The following DOCK4 variants were observed in gnomAD, a reference collection of about 807,000 sequenced individuals.
The protein encoded by DOCK4 is dedicator of cytokinesis 4, also known as dedicator of cytokinesis protein 4.
A neutral mutation model predicts 268.1 loss-of-function variants in DOCK4; 97 were observed. The observed-to-expected ratio is 0.36, with a 90% confidence interval of 0.31 to 0.43. The LOEUF is 0.43. DOCK4 is among the 20% of genes least tolerant of loss of function. The probability of loss-of-function intolerance (pLI) is 1.00; values close to 1 mark genes in which losing one functional copy is unlikely to be tolerated. For missense variants in DOCK4, 2,145 were observed against 2,455.7 expected, an observed-to-expected ratio of 0.87 and a Z score of 2.67; for synonymous variants, 954 against 887.2, an observed-to-expected ratio of 1.08 and a Z score of -1.34.
intron 12 of DOCK4, among the ~76,000 whole-genome samples, chr7:111,930,556 G>A (rs754955848): frequency 1.2e-4 from 19 of 152,178 alleles, no homozygotes; most frequent in Non-Finnish European, 2.8e-4. Flanking sequence ...TTTTTAGAGT[G>A]AACTCAATTC....
chr7:111,816,942 G>C (rs1034515866), intron 27 of DOCK4, among the ~76,000 whole-genome samples: 1 of 152,188 alleles, frequency 6.6e-6, no homozygotes, highest in Non-Finnish European at 1.5e-5. Flanking sequence ...CAGTCAATGG[G>C]GCACGCAGTG....
intron 22 of DOCK4, among the ~76,000 whole-genome samples, chr7:111,867,768 T>C (rs560287467): frequency 6.6e-6 from 1 of 152,194 alleles, no homozygotes; most frequent in South Asian, 2.1e-4. Context: ...AGCCTCTCCA[T>C]GCAGAGAGAG....
intron 20 of DOCK4, 65 bp from the exon 21 acceptor site, chr7:111,869,720 A>G: frequency 6.6e-6 from 9 of 1,357,372 alleles, no homozygotes; most frequent in Non-Finnish European, 9.4e-6. Context: ...ATGCCAACAA[A>G]TCCAACTCTT....
At chr7:112,115,347 G>C (rs184788588) in intron 1 of DOCK4, among the ~76,000 whole-genome samples, 1 of 152,324 alleles carries the variant, frequency 6.6e-6, no homozygotes, top group East Asian at 1.9e-4. Flanking sequence ...GACGCAGTGA[G>C]TCCATCTGAT....
At chr7:111,769,209 A>G (rs1273936874) in intron 37 of DOCK4, among the ~76,000 whole-genome samples, 1 of 152,196 alleles carries the variant, frequency 6.6e-6, no homozygotes, top group Non-Finnish European at 1.5e-5. Context: ...AAATCTCTAA[A>G]TCGGTGTTTA....
intron 1 of DOCK4, among the ~76,000 whole-genome samples, chr7:112,094,104 T>A: frequency 6.6e-6 from 1 of 152,036 alleles, no homozygotes; most frequent in South Asian, 2.1e-4. Context: ...CCAAAGCACA[T>A]CATGCTATCT....
At chr7:112,204,802 T>C (rs1274267919) in intron 1 of DOCK4, among the ~76,000 whole-genome samples, 1 of 152,094 alleles carries the variant, frequency 6.6e-6, no homozygotes, top group African/African-American at 2.4e-5. Context: ...CCAGATGTTT[T>C]AAATTGCAGG....
intron 7 of DOCK4, among the ~76,000 whole-genome samples, chr7:111,981,408 G>A (rs1319587600): frequency 1.3e-5 from 2 of 152,176 alleles, no homozygotes; most frequent in Non-Finnish European, 2.9e-5. Flanking sequence ...ACTGCCTTAT[G>A]GAAGCTGGGC....
At position 111,806,407 on chromosome 7, in the gene DOCK4, C is replaced by T. The variant is rs140225010; in HGVS notation, c.3166+2414G>A. 2.8e-3 allele frequency among the ~76,000 whole-genome samples: 428 copies of T among 152,212 alleles called. 3 individuals are homozygous for T. The highest frequency in any genetic ancestry group is 9.9e-3 in the African/African-American group (410 of 41,526). ...AATTCTAGCTATTGCACAACAGCAA[C>T]AAACTTTAAAATTCACCTAATATTT... On this transcript the variant is annotated intron_variant, in intron 30 of 52. Coordinates refer to ENST00000428084, the MANE Select transcript of DOCK4 (RefSeq NM_001363540.2).
chr7:111,902,271 G>A (rs1200683581), intron 13 of DOCK4, among the ~76,000 whole-genome samples: 1 of 152,230 alleles, frequency 6.6e-6, no homozygotes, highest in African/African-American at 2.4e-5. Context: ...AAAATTCATG[G>A]ACAAAATGAT....
chr7:111,987,768 T>C (rs1799167772), intron 6 of DOCK4, among the ~76,000 whole-genome samples: 1 of 152,228 alleles, frequency 6.6e-6, no homozygotes, highest in African/African-American at 2.4e-5. Flanking sequence ...CTTCAGGTCC[T>C]AAGAAAGCAG....
chr7:111,744,749 T>C (rs1442980750), intron 44 of DOCK4, among the ~76,000 whole-genome samples: 1 of 152,216 alleles, frequency 6.6e-6, no homozygotes, highest in Non-Finnish European at 1.5e-5. Context: ...TCACTTCTAG[T>C]ATCTACAAAC....
intron 7 of DOCK4, among the ~76,000 whole-genome samples, chr7:111,979,041 C>G (rs1413520951): frequency 1.3e-5 from 2 of 152,148 alleles, no homozygotes; most frequent in Non-Finnish European, 2.9e-5. Context: ...AGAGCCATAG[C>G]CTGTGTTGAG....
chr7:111,808,843 A>C lies in DOCK4; in HGVS notation c.3144T>G (p.Ile1048Met), dbSNP rs752987289. 12 of 1,613,216 alleles carry C rather than the reference A, an allele frequency of 7.4e-6. No individual in the cohort carries two copies. Among genetic ancestry groups the C allele is most frequent in the Non-Finnish European group, 8.5e-7 (1 of 1,179,608 alleles). Residue 1048 changes from isoleucine to methionine, a missense_variant, in exon 30 of 53, where the codon ATT (isoleucine) becomes ATG (methionine). Physicochemically the swap from Ile to Met is conservative, Grantham distance 10. Coordinates refer to ENST00000428084, the MANE Select transcript of DOCK4 (RefSeq NM_001363540.2). The part of the protein sequence containing the change: ...GDMRVTMGCE[I>M]FSMWQNLGEH... ...TACCTAGGTTTTGCCACATGCTGAA[A>C]ATTTCACAACCCATTGTTACCCGCA...
intron 28 of DOCK4, among the ~76,000 whole-genome samples, chr7:111,810,190 A>G (rs1005447200): frequency 6.6e-6 from 1 of 152,234 alleles, no homozygotes; most frequent in Non-Finnish European, 1.5e-5. Context: ...GCGGTGGCTC[A>G]TGCCTGTAAT....
In DOCK4 at chr7:111,998,436, C is replaced by G; in HGVS notation, c.218+12G>C. On this transcript the variant is annotated intron_variant, in intron 4 of 52. Transcript: ENST00000428084. The stretch of plus-strand genomic sequence containing the variant: ...GAAAATCCTCCAACTACTAATAAAA[C>G]TCATTTCTTACCCTTTGTTCTTTAC... 1 of 1,559,494 alleles carries G rather than the reference C, an allele frequency of 6.4e-7. No homozygotes were observed. The highest frequency in any genetic ancestry group is 8.7e-7 in the Non-Finnish European group (1 of 1,149,060).
At chr7:111,893,954 T>A (rs1221498595) in intron 16 of DOCK4, among the ~76,000 whole-genome samples, 4 of 152,246 alleles carry the variant, frequency 2.6e-5, no homozygotes, top group Admixed American at 2.6e-4. Flanking sequence ...CTGGGCGCAG[T>A]GGCCCACGCC....
intron 1 of DOCK4, among the ~76,000 whole-genome samples, chr7:112,121,721 A>G (rs1270359206): frequency 2.6e-5 from 4 of 152,210 alleles, no homozygotes; most frequent in African/African-American, 9.6e-5. Context: ...AGGCTCATGG[A>G]CCAACATACA....
At chr7:112,149,281 C>T (rs1473917553) in intron 1 of DOCK4, among the ~76,000 whole-genome samples, 1 of 152,096 alleles carries the variant, frequency 6.6e-6, no homozygotes, top group Non-Finnish European at 1.5e-5. Context: ...ACCACTATTT[C>T]TATGCTCAAG....
Sources: gnomAD v4.1 joint callset for allele counts (sites outside exome capture counted in the v4.1 genomes callset) on GRCh38, gnomAD v4.1.1 for gene constraint, MANE v1.5 for transcripts, NCBI Gene and HGNC (gene_info 2026-07-23, HGNC 2026-07-21) for gene names.